The following CDYL2 variants were observed in gnomAD, a reference collection of about 807,000 sequenced individuals.
CDYL2 encodes chromodomain Y-like protein 2.
CDYL2 carries 23 observed loss-of-function variants against 49.4 expected under a neutral mutation model. That is an observed-to-expected ratio of 0.47 (90% confidence interval 0.34 to 0.66). The LOEUF (loss-of-function observed/expected upper bound fraction) is 0.66. CDYL2 is among the 30% of genes least tolerant of loss of function. The pLI is 0.01. For synonymous variants in CDYL2, 360 were observed against 268.8 expected, an observed-to-expected ratio of 1.34 and a Z score of -3.32; for missense variants, 678 against 656.4, an observed-to-expected ratio of 1.03 and a Z score of -0.36.
At position 80,664,010 on chromosome 16, in the gene CDYL2, C is replaced by A. The variant is rs529391270; in HGVS notation, c.616+20528G>T. Among the ~76,000 whole-genome samples, 10 of 152,244 alleles carry A rather than the reference C, an allele frequency of 6.6e-5. No individual in the cohort carries two copies. The South Asian group carries it at 2.1e-3, about 32-fold the overall frequency. On this transcript the variant is annotated intron_variant, in intron 2 of 6. Coordinates refer to ENST00000570137, the MANE Select transcript of CDYL2 (RefSeq NM_152342.4). The stretch of plus-strand genomic sequence containing the variant: ...CTCCTGCATTAAAACCCTCCAAGGC[C>A]ATGCTAACTCCAAAAGCTCTATTAT...
At chr16:80,746,572 A>G (rs1285654663) in intron 1 of CDYL2, among the ~76,000 whole-genome samples, 1 of 152,232 alleles carries the variant, frequency 6.6e-6, no homozygotes, top group Non-Finnish European at 1.5e-5. Context: ...AGGGCAAAGG[A>G]AGCCAAGTGC....
At chr16:80,606,524 C>T (rs937626095) in intron 6 of CDYL2, among the ~76,000 whole-genome samples, 4 of 152,172 alleles carry the variant, frequency 2.6e-5, no homozygotes, top group Non-Finnish European at 5.9e-5. Context: ...CTGCTGCCTA[C>T]ACTCCCTGTG....
chr16:80,618,572 G>A (rs1441644648), intron 4 of CDYL2, among the ~76,000 whole-genome samples: 1 of 152,188 alleles, frequency 6.6e-6, no homozygotes, highest in African/African-American at 2.4e-5. Flanking sequence ...CATGAGACCT[G>A]ACCCCCTGGG....
intron 1 of CDYL2, among the ~76,000 whole-genome samples, chr16:80,757,549 A>ATAT (rs1404612062): frequency 4.0e-4 from 59 of 146,448 alleles, no homozygotes; most frequent in Middle Eastern, 3.6e-3. Context: ...AAAAAAAAAA[A>ATAT]AAAAATATAT....
At chr16:80,741,857 T>C (rs1198138252) in intron 1 of CDYL2, among the ~76,000 whole-genome samples, 2 of 152,234 alleles carry the variant, frequency 1.3e-5, no homozygotes, top group Non-Finnish European at 2.9e-5. Flanking sequence ...ACAACATTCC[T>C]GAAGGACAAT....
At chr16:80,629,316 C>A (rs960288860) in intron 3 of CDYL2, among the ~76,000 whole-genome samples, 1 of 152,156 alleles carries the variant, frequency 6.6e-6, no homozygotes, top group Non-Finnish European at 1.5e-5. Flanking sequence ...GACAAAATAG[C>A]CTAGTAGTGG....
chr16:80,723,470 C>A (rs957475441), intron 1 of CDYL2, among the ~76,000 whole-genome samples: 2 of 152,172 alleles, frequency 1.3e-5, no homozygotes, highest in Non-Finnish European at 2.9e-5. Flanking sequence ...ACTCCAGGTT[C>A]CCCAAATGCA....
chr16:80,666,962 G>A (rs902037572), intron 2 of CDYL2, among the ~76,000 whole-genome samples: 6 of 152,200 alleles, frequency 3.9e-5, no homozygotes, highest in Admixed American at 6.5e-5. Flanking sequence ...GCTTCTGATC[G>A]AGTGAAAGAG....
intron 2 of CDYL2, among the ~76,000 whole-genome samples, chr16:80,661,454 G>C (rs974866965): frequency 6.6e-6 from 1 of 152,166 alleles, no homozygotes; most frequent in African/African-American, 2.4e-5. Context: ...GATTCACACA[G>C]GTTGTCTCAT....
chr16:80,762,844 TG>T (rs1382469452), intron 1 of CDYL2, among the ~76,000 whole-genome samples: 4 of 152,146 alleles, frequency 2.6e-5, no homozygotes, highest in Non-Finnish European at 4.4e-5. Flanking sequence ...GCAAGAAGAC[TG>T]TCATGTGCCT....
At chr16:80,700,510 A>G (rs1379964488) in intron 1 of CDYL2, among the ~76,000 whole-genome samples, 1 of 152,262 alleles carries the variant, frequency 6.6e-6, no homozygotes, top group Non-Finnish European at 1.5e-5. Context: ...AAGAAGCAGA[A>G]TAAGAAATAC....
intron 1 of CDYL2, among the ~76,000 whole-genome samples, chr16:80,703,957 T>C (rs1449703578): frequency 3.9e-5 from 6 of 152,300 alleles, no homozygotes; most frequent in South Asian, 4.1e-4. Flanking sequence ...CACTGCATAC[T>C]GAATTCCAAA....
intron 1 of CDYL2, among the ~76,000 whole-genome samples, chr16:80,685,799 C>A (rs1910166450): frequency 1.3e-5 from 2 of 152,162 alleles, no homozygotes; most frequent in Non-Finnish European, 2.9e-5. Context: ...AAGGGCAGAA[C>A]TGGGGTTTGA....
chr16:80,804,277 G>T lies in CDYL2; in HGVS notation c.-104C>A. 2.9e-6 allele frequency: 3 copies of T among 1,019,712 alleles called. No homozygotes were observed. Among genetic ancestry groups the T allele is most frequent in the Non-Finnish European group, 2.6e-6 (2 of 763,248 alleles). The allele number at this position is 1,019,712 out of a possible 1,614,324, so 63.2% of individuals were successfully genotyped here. A position where few individuals can be genotyped will look rare whatever the true frequency, so the allele number is the denominator to read the frequency against. ...TGTGCGCGTGTGTGTGCGCGCGTGT[G>T]TGTGCGAGTGTGTGTGGTGTGTTGA... On this transcript the variant is annotated 5_prime_UTR_variant, in exon 1 of 7. Coordinates refer to ENST00000570137, the MANE Select transcript of CDYL2 (RefSeq NM_152342.4).
rs113996814 is a variant in CDYL2, at chr16:80,655,900, A to T, written c.617-22664T>A. On this transcript the variant is annotated intron_variant, in intron 2 of 6. Transcript: ENST00000570137. ...AGGAGCATCATGCTTCCCGAGTGAC[A>T]GCAACAAGCTGGCAGGGAAGACGCT... Among the ~76,000 whole-genome samples the T allele has an allele frequency of 2.6e-3, 397 of 152,296 alleles. 1 individual carries two copies. Among genetic ancestry groups the T allele is most frequent in the African/African-American group, 9.2e-3 (381 of 41,560 alleles).
chr16:80,685,945 AAC>A (rs1325704616), intron 1 of CDYL2, among the ~76,000 whole-genome samples: 1 of 152,212 alleles, frequency 6.6e-6, no homozygotes, highest in African/African-American at 2.4e-5. Flanking sequence ...CCCCAGCTGC[AAC>A]ACAGAGGCAC....
At chr16:80,801,418 G>T (rs1006239487) in intron 1 of CDYL2, among the ~76,000 whole-genome samples, 6 of 152,180 alleles carry the variant, frequency 3.9e-5, no homozygotes, top group African/African-American at 1.4e-4. Context: ...CTGCTTTATG[G>T]AGGTTCACTC....
chr16:80,696,504 CACAA>C (rs1321973959), intron 1 of CDYL2, among the ~76,000 whole-genome samples: 1 of 151,426 alleles, frequency 6.6e-6, no homozygotes, highest in Non-Finnish European at 1.5e-5. Flanking sequence ...CAAATAAAAT[CACAA>C]ACAAAAAAGA....
chr16:80,703,030 AT>A (rs1462863221), intron 1 of CDYL2, among the ~76,000 whole-genome samples: 1 of 152,202 alleles, frequency 6.6e-6, no homozygotes, highest in African/African-American at 2.4e-5. Flanking sequence ...TGTGGAATAT[AT>A]ATACACACAT....
Sources: gnomAD v4.1 joint callset for allele counts (sites outside exome capture counted in the v4.1 genomes callset) on GRCh38, gnomAD v4.1.1 for gene constraint, MANE v1.5 for transcripts, NCBI Gene and HGNC (gene_info 2026-07-23, HGNC 2026-07-21) for gene names.